BMPR2: variants seen among roughly 807,000 people sequenced by gnomAD.
BMPR2 encodes bone morphogenetic protein receptor type-2.
Under a neutral mutation model 100.8 loss-of-function variants are expected in BMPR2, and 29 were observed. The ratio of observed to expected loss-of-function variants is 0.29; its 90% CI spans 0.21 to 0.39. BMPR2 has a LOEUF of 0.39. Among genes scored for constraint, BMPR2 ranks in the 10% least tolerant of loss-of-function variants. The pLI is 1.00. For missense variants in BMPR2, 1,011 were observed against 1,274.5 expected (o/e 0.79, Z 3.15); for synonymous variants, 382 against 442.3 (o/e 0.86, Z 1.71).
rs1043262192 is a variant in BMPR2, at chr2:202,403,596, G to A, written c.76+26046G>A. 3.3e-5 allele frequency among the ~76,000 whole-genome samples: 5 copies of A among 152,268 alleles called. No homozygotes were observed. In the South Asian group the frequency reaches 1.0e-3, roughly 32 times the overall value. On this transcript the variant is annotated intron_variant, in intron 1 of 12. Transcript: ENST00000374580. Reference sequence around the variant, plus strand: ...TTAACGTTTGACTCATTTTAAGAAAGCAAGATTATAATAGGGTCATCTTAT... The same window carrying A: ...TTAACGTTTGACTCATTTTAAGAAAACAAGATTATAATAGGGTCATCTTAT...
At chr2:202,544,958 C>T (rs1034592723) in intron 10 of BMPR2, among the ~76,000 whole-genome samples, 3 of 151,284 alleles carry the variant, frequency 2.0e-5, no homozygotes, top group Non-Finnish European at 2.9e-5. Context: ...GACAGGGTCT[C>T]GCTTTGTTTC....
At chr2:202,461,258 T>C (rs866061770) in intron 1 of BMPR2, among the ~76,000 whole-genome samples, 1 of 151,998 alleles carries the variant, frequency 6.6e-6, no homozygotes, top group Non-Finnish European at 1.5e-5. Context: ...GAGGCCAAGG[T>C]GGGTGGATCA....
At chr2:202,546,910 GTTT>G (rs1688386120) in intron 10 of BMPR2, among the ~76,000 whole-genome samples, 2 of 87,256 alleles carry the variant, frequency 2.3e-5, no homozygotes, top group Non-Finnish European at 5.7e-5. Flanking sequence ...CCGGTGTTTT[GTTT>G]TGTTTTGTTT....
At position 202,377,106 on chromosome 2, in the gene BMPR2, C is replaced by T; in HGVS notation, c.-369C>T. On this transcript the variant is annotated 5_prime_UTR_variant, in exon 1 of 13. Coordinates refer to ENST00000374580, the MANE Select transcript of BMPR2 (RefSeq NM_001204.7). ...GGATCGAATCCCCGCCCTCCGCACC[C>T]TGGATATGTTTTCTCCCAGACCTGG... 1 of 557,792 alleles carries T rather than the reference C, an allele frequency of 1.8e-6. No homozygotes were observed. The highest frequency in any genetic ancestry group is 3.2e-6 in the Non-Finnish European group (1 of 316,754). 34.6% of individuals were successfully genotyped at this position (557,792 alleles called of 1,614,324 possible). A position where few individuals can be genotyped will look rare whatever the true frequency, so the allele number is the denominator to read the frequency against.
At chr2:202,492,603 G>A (rs946915857) in intron 3 of BMPR2, among the ~76,000 whole-genome samples, 3 of 150,038 alleles carry the variant, frequency 2.0e-5, no homozygotes, top group African/African-American at 4.9e-5. Flanking sequence ...GGGAGGCTGA[G>A]GCAGGAGAAT....
chr2:202,425,094 G>T (rs1348965199), intron 1 of BMPR2, among the ~76,000 whole-genome samples: 1 of 151,938 alleles, frequency 6.6e-6, no homozygotes, highest in Admixed American at 6.6e-5. Context: ...TAGTAGCTGG[G>T]ACTACAGGCA....
chr2:202,482,729 C>G (rs1394115091), intron 3 of BMPR2, among the ~76,000 whole-genome samples: 2 of 152,058 alleles, frequency 1.3e-5, no homozygotes. Context: ...TTAGTAGAGA[C>G]AGGGTATCAC....
chr2:202,469,815 C>T (rs1414523252), intron 3 of BMPR2, among the ~76,000 whole-genome samples: 1 of 151,952 alleles, frequency 6.6e-6, no homozygotes, highest in Non-Finnish European at 1.5e-5. Flanking sequence ...TAATAACTAC[C>T]CTGATACCAA....
At chr2:202,385,410 G>T (rs561759157) in intron 1 of BMPR2, among the ~76,000 whole-genome samples, 1 of 126,504 alleles carries the variant, frequency 7.9e-6, no homozygotes, top group South Asian at 2.4e-4. Flanking sequence ...TTGTTGCCCA[G>T]GTGGGAGTAC....
At chr2:202,416,467 C>G (rs971757724) in intron 1 of BMPR2, among the ~76,000 whole-genome samples, 1 of 149,728 alleles carries the variant, frequency 6.7e-6, no homozygotes, top group African/African-American at 2.5e-5. Flanking sequence ...TGCTCTGTCG[C>G]TAGGCTGGAG....
At position 202,556,329 on chromosome 2, in the gene BMPR2, G is replaced by T; in HGVS notation, c.2664G>T (p.Val888=). ...GHDEGVLDRL[V]DRRERPLEGG... ...ATGAAGGTGTTCTGGATCGTCTTGT[G>T]GACAGGAGGGAACGGCCACTAGAAG... is the stretch of plus-strand genomic sequence containing the variant. The change falls in exon 12 of 13, where the codon GTG becomes GTT. Residue 888 remains valine (V), a synonymous_variant. Transcript: ENST00000374580. The T allele has an allele frequency of 6.2e-7, 1 of 1,614,172 alleles. No individual in the cohort carries two copies. Among genetic ancestry groups the T allele is most frequent in the South Asian group, 1.1e-5 (1 of 91,062 alleles).
rs1343136624 is a variant in BMPR2 at position 202,434,933 on chromosome 2, A to ATATT, written c.77-29861_77-29858dup. ...AATATATATATATATATATATATAT[A>ATATT]TATTTATTTATTTATTTACGTCTAT... On this transcript the variant is annotated intron_variant, in intron 1 of 12. Coordinates refer to ENST00000374580, the MANE Select transcript of BMPR2 (RefSeq NM_001204.7). Among the ~76,000 whole-genome samples the ATATT allele has an allele frequency of 1.0e-3, 85 of 81,986 alleles. 6 individuals are homozygous for ATATT. The highest frequency in any genetic ancestry group is 4.0e-3 in the African/African-American group (79 of 19,738). The allele number at this position is 81,986 out of a possible 152,430, so 53.8% of individuals were successfully genotyped here.
intron 10 of BMPR2, among the ~76,000 whole-genome samples, chr2:202,544,761 CTTTTTT>C (rs56654364): frequency 3.6e-5 from 3 of 82,688 alleles, no homozygotes; most frequent in East Asian, 3.2e-4. Flanking sequence ...CTTTTTCTTT[CTTTTTT>C]TTTTTTTTTT....
rs1168220021 is a variant in BMPR2 at position 202,561,431 on chromosome 2, T to G, written c.*1485T>G. 6.6e-6 allele frequency: 1 copy of G among 152,150 alleles called. No homozygotes were observed. Among genetic ancestry groups the G allele is most frequent in the Non-Finnish European group, 1.5e-5 (1 of 68,008 alleles). 9.4% of individuals were successfully genotyped at this position (152,150 alleles called of 1,614,324 possible). ...TTTGCTTCTTTCATTACTTATAATC[T>G]CCTCTAAAACAACCTCTGCATGTTT... On this transcript the variant is annotated 3_prime_UTR_variant, in exon 13 of 13. Coordinates refer to ENST00000374580, the MANE Select transcript of BMPR2 (RefSeq NM_001204.7).
chr2:202,391,101 C>T (rs1286837345), intron 1 of BMPR2, among the ~76,000 whole-genome samples: 1 of 149,682 alleles, frequency 6.7e-6, no homozygotes, highest in Non-Finnish European at 1.5e-5. Context: ...CTCAGGCTCC[C>T]GAGCAGCTGG....
chr2:202,533,380 C>T (rs1401903994), intron 9 of BMPR2, among the ~76,000 whole-genome samples: 1 of 151,592 alleles, frequency 6.6e-6, no homozygotes, highest in Non-Finnish European at 1.5e-5. Flanking sequence ...GGTGAAACCC[C>T]GTTTCTACTA....
chr2:202,561,747 T>C lies in BMPR2; in HGVS notation c.*1801T>C, dbSNP rs1413564764. 6.6e-6 allele frequency: 1 copy of C among 152,146 alleles called. No individual in the cohort carries two copies. Among genetic ancestry groups the C allele is most frequent in the Non-Finnish European group, 1.5e-5 (1 of 67,994 alleles). 9.4% of individuals were successfully genotyped at this position (152,146 alleles called of 1,614,324 possible). A position where few individuals can be genotyped will look rare whatever the true frequency, so the allele number is the denominator to read the frequency against. ...CTAAAGACAGCCTAAATTTCCCAAT[T>C]TTCTGTCCAAAATATTTGTGATTTA... On this transcript the variant is annotated 3_prime_UTR_variant, in exon 13 of 13. Transcript: ENST00000374580.
chr2:202,429,841 C>A (rs1448518606), intron 1 of BMPR2, among the ~76,000 whole-genome samples: 1 of 152,098 alleles, frequency 6.6e-6, no homozygotes, highest in Non-Finnish European at 1.5e-5. Flanking sequence ...TGAACCCACT[C>A]ACTGTCATGA....
At chr2:202,505,387 ACT>A (rs979623990) in intron 3 of BMPR2, 6 of 120,646 alleles carry the variant, frequency 5.0e-5, no homozygotes, top group African/African-American at 2.0e-4. Context: ...ACAGGATTTT[ACT>A]CTGTCTTCTA....
Sources: allele counts gnomAD v4.1 joint callset (sites outside exome capture counted in the v4.1 genomes callset), GRCh38; gene constraint gnomAD v4.1.1; transcripts MANE v1.5; gene names NCBI Gene and HGNC (gene_info 2026-07-23, HGNC 2026-07-21).